The following GRK5 variants were observed in gnomAD, a reference collection of about 807,000 sequenced individuals.
GRK5 encodes G protein-coupled receptor kinase 5.
A neutral mutation model predicts 78.4 loss-of-function variants in GRK5; 40 were observed. The ratio of observed to expected loss-of-function variants is 0.51; its 90% confidence interval spans 0.40 to 0.66. The LOEUF is 0.66. Among genes scored for constraint, GRK5 ranks in the 30% least tolerant of loss-of-function variants. The pLI, the probability that GRK5 is intolerant of heterozygous loss-of-function variation, is 0.00. For missense variants in GRK5, 598 were observed against 759.9 expected (o/e 0.79, Z 2.50); for synonymous variants, 289 against 296.8 (o/e 0.97, Z 0.27).
rs139878968 is a variant in GRK5, at chr10:119,256,362, G to A, written c.52+48393G>A. Among the ~76,000 whole-genome samples the A allele has an allele frequency of 2.3e-4, 35 of 152,262 alleles. No individual in the cohort carries two copies. The East Asian group carries it at 4.8e-3, about 21-fold the overall frequency. On this transcript the variant is annotated intron_variant, in intron 1 of 15. Coordinates refer to ENST00000392870, the MANE Select transcript of GRK5 (RefSeq NM_005308.3). ...GGTGGGAGTCTGGAGTCCTGGCTCC[G>A]GTAGTCGCCAGCCACTTCTTGTCCC...
intron 2 of GRK5, among the ~76,000 whole-genome samples, chr10:119,332,107 A>ATTT (rs35213335): frequency 7.6e-6 from 1 of 131,828 alleles, no homozygotes; most frequent in Non-Finnish European, 1.6e-5. Flanking sequence ...TGTAATTTTG[A>ATTT]TTTTTTTTTT....
rs1164611025 is a variant in GRK5 at position 119,412,154 on chromosome 10, G to A, written c.340-11012G>A. Among the ~76,000 whole-genome samples the A allele has an allele frequency of 6.6e-6, 1 of 152,022 alleles. No individual in the cohort carries two copies. The highest frequency in any genetic ancestry group is 1.5e-5 in the Non-Finnish European group (1 of 67,980). ...GCGTGAGCCACTGCGCCCGGCCTCA[G>A]ATCCGCTTCTGATTGGAGGCTGTGC... On this transcript the variant is annotated intron_variant, in intron 4 of 15. Transcript: ENST00000392870. The surrounding 1 kb of genome is among the most constrained non-coding windows in gnomAD (Gnocchi z 4.3).
chr10:119,383,689 C>G (rs182818023), intron 3 of GRK5, among the ~76,000 whole-genome samples: 7 of 152,362 alleles, frequency 4.6e-5, no homozygotes, highest in Admixed American at 4.6e-4. Context: ...TGCTCATCGT[C>G]TCATCAGTGG....
intron 1 of GRK5, among the ~76,000 whole-genome samples, chr10:119,324,100 G>A (rs1187855401): frequency 1.3e-5 from 2 of 152,184 alleles, no homozygotes; most frequent in Admixed American, 6.5e-5. Flanking sequence ...CATGGCTGCC[G>A]CGTCACTCCT....
At chr10:119,227,712 C>T (rs1676427114) in intron 1 of GRK5, among the ~76,000 whole-genome samples, 1 of 152,156 alleles carries the variant, frequency 6.6e-6, no homozygotes, top group African/African-American at 2.4e-5. Context: ...GGATCCACTA[C>T]ACATGAAAAG....
At chr10:119,276,920 G>A (rs903114948) in intron 1 of GRK5, among the ~76,000 whole-genome samples, 3 of 152,146 alleles carry the variant, frequency 2.0e-5, no homozygotes, top group East Asian at 1.9e-4. Context: ...CACAAGGGTC[G>A]TACCATGATC....
intron 2 of GRK5, among the ~76,000 whole-genome samples, chr10:119,345,215 G>A (rs959205327): frequency 5.3e-5 from 8 of 152,212 alleles, no homozygotes; most frequent in South Asian, 4.1e-4. Flanking sequence ...TGATCCGCCC[G>A]CCTCGGCCTC....
chr10:119,222,227 G>A (rs1382510266), intron 1 of GRK5, among the ~76,000 whole-genome samples: 2 of 152,096 alleles, frequency 1.3e-5, no homozygotes, highest in Non-Finnish European at 2.9e-5. Context: ...CCATTGCTTC[G>A]TTTTTCGTGT....
chr10:119,335,175 T>TCTCC lies in GRK5; in HGVS notation c.148+8565_148+8566insTCCC, dbSNP rs1387026472. On this transcript the variant is annotated intron_variant, in intron 2 of 15. Coordinates refer to ENST00000392870, the MANE Select transcript of GRK5 (RefSeq NM_005308.3). ...CTCTCTCTCTCTCTCTCTCTCTCTCTCCCCCTCTCCCTCTCCCCCCACCTC... is the reference window on the plus strand; with the variant it reads ...CTCTCTCTCTCTCTCTCTCTCTCTCTCTCCCCCCCTCTCCCTCTCCCCCCACCTC... Among the ~76,000 whole-genome samples the TCTCC allele has an allele frequency of 8.8e-5, 10 of 113,214 alleles. 2 individuals carry two copies. The highest frequency in any genetic ancestry group is 3.4e-4 in the African/African-American group (9 of 26,252). The allele number at this position is 113,214 out of a possible 152,430, so 74.3% of individuals were successfully genotyped here. A position where few individuals can be genotyped will look rare whatever the true frequency, so the allele number is the denominator to read the frequency against.
intron 2 of GRK5, chr10:119,333,699 TG>T: frequency 2.0e-6 from 1 of 506,298 alleles, no homozygotes; most frequent in South Asian, 1.5e-5. Flanking sequence ...ATCTTGTAAG[TG>T]TGTGCAGCGA....
chr10:119,339,532 G>C (rs1000497222), intron 2 of GRK5, among the ~76,000 whole-genome samples: 1 of 151,990 alleles, frequency 6.6e-6, no homozygotes, highest in African/African-American at 2.4e-5. Context: ...AGGCAGGAGT[G>C]GGGGGTTGCA....
rs115761289 is a variant in GRK5, at chr10:119,445,617, G to A, written c.1266+1865G>A. Among the ~76,000 whole-genome samples the A allele has an allele frequency of 1.3e-5, 2 of 152,242 alleles. No homozygotes were observed. Among genetic ancestry groups the A allele is most frequent in the African/African-American group, 2.4e-5 (1 of 41,554 alleles). On this transcript the variant is annotated intron_variant, in intron 12 of 15. Transcript: ENST00000392870. The surrounding 1 kb of genome is among the most constrained non-coding windows in gnomAD (Gnocchi z 4.1). ...CTCTGGAAGCCTCTGGCCTTGCTGC[G>A]GCTTCCCTTACAAATGATCTTTGGT...
chr10:119,445,154 A>T lies in GRK5; in HGVS notation c.1266+1402A>T, dbSNP rs1853118010. ...AGAAAGCCACATGGTCATCGCAGCC[A>T]GGGCTAGGGTGGGGGGACCGGAGGA... On this transcript the variant is annotated intron_variant, in intron 12 of 15. Transcript: ENST00000392870. This position sits in a 1 kb window ranked among gnomAD's most constrained non-coding sequence, Gnocchi z 4.1. Among the ~76,000 whole-genome samples, 1 of 152,152 alleles carries T rather than the reference A, an allele frequency of 6.6e-6. No homozygotes were observed. Among genetic ancestry groups the T allele is most frequent in the African/African-American group, 2.4e-5 (1 of 41,446 alleles).
At chr10:119,235,512 A>C (rs1848909826) in intron 1 of GRK5, among the ~76,000 whole-genome samples, 1 of 152,172 alleles carries the variant, frequency 6.6e-6, no homozygotes, top group South Asian at 2.1e-4. Context: ...AGTGCTGCAG[A>C]GTGGGAGTCT....
At chr10:119,387,303 C>T (rs764272273) in intron 3 of GRK5, among the ~76,000 whole-genome samples, 9 of 152,182 alleles carry the variant, frequency 5.9e-5, no homozygotes, top group Non-Finnish European at 8.8e-5. Flanking sequence ...CGTGCCCGGC[C>T]TTCTGTGCAG....
At chr10:119,371,546 C>T (rs1368505435) in intron 2 of GRK5, among the ~76,000 whole-genome samples, 6 of 152,202 alleles carry the variant, frequency 3.9e-5, no homozygotes, top group African/African-American at 1.4e-4. Flanking sequence ...ATTTGAACCT[C>T]GGGCATGTGC....
At chr10:119,275,782 T>G (rs1213162243) in intron 1 of GRK5, among the ~76,000 whole-genome samples, 2 of 152,110 alleles carry the variant, frequency 1.3e-5, no homozygotes. Flanking sequence ...GGAAGAAAAA[T>G]GCAGCGTTTG....
At chr10:119,276,195 C>T (rs527434598) in intron 1 of GRK5, among the ~76,000 whole-genome samples, 112 of 152,158 alleles carry the variant, frequency 7.4e-4, no homozygotes, top group African/African-American at 2.4e-3. Flanking sequence ...TATACATGTG[C>T]CATGCTGGTG....
At position 119,394,680 on chromosome 10, in the gene GRK5, T is replaced by TGG. The variant is rs1489549131; in HGVS notation, c.262-2014_262-2013insGG. 2.4e-3 allele frequency among the ~76,000 whole-genome samples: 19 copies of TGG among 7,782 alleles called. 6 individuals carry two copies. Among genetic ancestry groups the TGG allele is most frequent in the Non-Finnish European group, 6.2e-3 (15 of 2,430 alleles). The allele number at this position is 7,782 out of a possible 152,430, so 5.1% of individuals were successfully genotyped here. A position where few individuals can be genotyped will look rare whatever the true frequency, so the allele number is the denominator to read the frequency against. ...GTGTGTATCTGTGTCTGTGGGCACG[T>TGG]GTGTGTGGGTGTGTGTGGGTGTGTA... is the stretch of plus-strand genomic sequence containing the variant. On this transcript the variant is annotated intron_variant, in intron 3 of 15. Transcript: ENST00000392870.
Sources: gnomAD v4.1 joint callset for allele counts (sites outside exome capture counted in the v4.1 genomes callset) on GRCh38, gnomAD v4.1.1 for gene constraint, Gnocchi (gnomAD v3.1) non-coding constraint, MANE v1.5 for transcripts, NCBI Gene and HGNC (gene_info 2026-07-23, HGNC 2026-07-21) for gene names.